Variants in LYAR observed in about 807,000 individuals in gnomAD.
LYAR encodes Ly1 antibody reactive.
A neutral mutation model predicts 45.2 loss-of-function variants in LYAR; 37 were observed. The observed-to-expected ratio is 0.82, with a 90% CI of 0.63 to 1.08. LYAR has a LOEUF of 1.08. LYAR is among the 50% of genes least tolerant of loss of function. The pLI, the probability that LYAR is intolerant of heterozygous loss-of-function variation, is 0.00. For synonymous variants in LYAR, 176 were observed against 155.1 expected (o/e 1.14, Z -1.00); for missense variants, 493 against 451.0 (o/e 1.09, Z -0.84).
intron 6 of LYAR, among the ~76,000 whole-genome samples, chr4:4,279,230 G>A (rs1719302899): frequency 1.3e-5 from 2 of 152,064 alleles, no homozygotes; most frequent in South Asian, 4.1e-4. Flanking sequence ...CTACTTGGGA[G>A]GCTGAGACAC....
Position 4,267,715 on chromosome 4 carries a change from C to T in LYAR, c.*174G>A. ...GCCACAACAAATTTAGAAGTTTGGACCAGAATATATTTTATTTTTCTCATA... is the reference window on the plus strand; with the variant it reads ...GCCACAACAAATTTAGAAGTTTGGATCAGAATATATTTTATTTTTCTCATA... On this transcript the variant is annotated 3_prime_UTR_variant, in exon 10 of 10. Coordinates refer to ENST00000343470, the MANE Select transcript of LYAR (RefSeq NM_017816.3). 1 of 483,606 alleles carries T rather than the reference C, an allele frequency of 2.1e-6. No individual in the cohort carries two copies. The highest frequency in any genetic ancestry group is 3.4e-6 in the Non-Finnish European group (1 of 291,626). The allele number at this position is 483,606 out of a possible 1,614,324, so 30.0% of individuals were successfully genotyped here.
rs777311118 is a variant in LYAR at position 4,281,884 on chromosome 4, T to C, written c.136A>G (p.Lys46Glu). ...TCACTTATGCATTTCACGTGGTTTT[T>C]ATAGTCATCGCCCCTTTAAAGTGAT... ...CGKDFWGDDYKNHVKCISEDQ... is the reference protein window; with the variant it reads ...CGKDFWGDDYENHVKCISEDQ... The change falls in exon 4 of 10, where the codon AAA (lysine) becomes GAA (glutamate). Residue 46 changes from lysine to glutamate, a missense_variant. Coordinates refer to ENST00000343470, the MANE Select transcript of LYAR (RefSeq NM_017816.3). The C allele has an allele frequency of 1.4e-5, 23 of 1,613,592 alleles. No individual in the cohort carries two copies. The South Asian group carries it at 1.8e-4, about 12-fold the overall frequency.
chr4:4,277,921 G>A (rs181711501), intron 6 of LYAR, among the ~76,000 whole-genome samples: 7 of 152,324 alleles, frequency 4.6e-5, no homozygotes, highest in African/African-American at 1.7e-4. Flanking sequence ...TGGGAGGGCC[G>A]TGGTGCAAAG....
At chr4:4,288,754 C>G (rs1027111705) in intron 1 of LYAR, among the ~76,000 whole-genome samples, 12 of 152,116 alleles carry the variant, frequency 7.9e-5, no homozygotes, top group African/African-American at 2.4e-5. Flanking sequence ...CCAAAGTGCT[C>G]GGATGACAGG....
Position 4,274,415 on chromosome 4 carries a change from C to T in LYAR, c.784G>A (p.Glu262Lys). The T allele has an allele frequency of 6.2e-7, 1 of 1,613,982 alleles. No homozygotes were observed. Among genetic ancestry groups the T allele is most frequent in the Non-Finnish European group, 8.5e-7 (1 of 1,179,938 alleles). ...TTCCCTGCGCCCACGCGTGCCTCTT[C>T]CTCACTGGCGCTGTCCTTGCGCTGC... ...KKQRKDSASEEEARVGAGKRK... is the reference protein window; with the variant it reads ...KKQRKDSASEKEARVGAGKRK... The change falls in exon 7 of 10, where the codon GAA (glutamate) becomes AAA (lysine). Residue 262 changes from glutamate to lysine, a missense_variant. Physicochemically the swap from Glu to Lys is moderately conservative, Grantham distance 56. Coordinates refer to ENST00000343470, the MANE Select transcript of LYAR (RefSeq NM_017816.3).
chr4:4,279,358 T>C (rs1319949141), intron 6 of LYAR, 89 bp downstream of exon 6: 1 of 880,212 alleles, frequency 1.1e-6, no homozygotes, highest in African/African-American at 1.7e-5. Context: ...AAAAGAAGGC[T>C]GCCTTGACTT....
At chr4:4,269,293 C>A (rs372752416) in intron 8 of LYAR, among the ~76,000 whole-genome samples, 1 of 152,124 alleles carries the variant, frequency 6.6e-6, no homozygotes, top group African/African-American at 2.4e-5. Context: ...GGCAAAGGAC[C>A]GGGAAACGGC....
intron 8 of LYAR, among the ~76,000 whole-genome samples, chr4:4,272,792 G>T (rs745669095): frequency 6.6e-6 from 1 of 152,198 alleles, no homozygotes; most frequent in Non-Finnish European, 1.5e-5. Context: ...CTAACCCAAT[G>T]CTGGCAGTCA....
At chr4:4,283,874 C>A in intron 2 of LYAR, 79 bp from the exon 3 acceptor site, 1 of 622,604 alleles carries the variant, frequency 1.6e-6, no homozygotes, top group East Asian at 2.9e-5. Flanking sequence ...AACTTTTCAA[C>A]CATAATTTCA....
At chr4:4,279,795 C>T in intron 4 of LYAR, 46 bp from the exon 5 acceptor site, 1 of 1,238,716 alleles carries the variant, frequency 8.1e-7, no homozygotes, top group Non-Finnish European at 1.2e-6. Context: ...AAACAACCAA[C>T]ATGAGTTTCA....
intron 6 of LYAR, among the ~76,000 whole-genome samples, chr4:4,277,532 C>T (rs1171262979): frequency 6.6e-6 from 1 of 152,138 alleles, no homozygotes; most frequent in African/African-American, 2.4e-5. Flanking sequence ...CCAATTCTTC[C>T]CCATCTTCTT....
intron 6 of LYAR, among the ~76,000 whole-genome samples, chr4:4,278,570 C>T (rs28473270): frequency 0.11 from 16,127 of 152,074 alleles, 2,324 homozygotes; most frequent in African/African-American, 0.33. Context: ...CTGCTGTGAC[C>T]CCCTCACCCC....
chr4:4,284,841 T>G (rs1489928604), intron 2 of LYAR, among the ~76,000 whole-genome samples: 1 of 152,112 alleles, frequency 6.6e-6, no homozygotes, highest in Non-Finnish European at 1.5e-5. Flanking sequence ...AAAATAAAGG[T>G]GAGGGTCAAG....
chr4:4,288,345 C>T (rs1350281197), intron 1 of LYAR, among the ~76,000 whole-genome samples: 1 of 152,182 alleles, frequency 6.6e-6, no homozygotes, highest in Non-Finnish European at 1.5e-5. Context: ...TCACTCCAAC[C>T]TTCTCTGGCT....
chr4:4,282,567 G>A (rs1272337537), intron 3 of LYAR, among the ~76,000 whole-genome samples: 1 of 152,136 alleles, frequency 6.6e-6, no homozygotes, highest in African/African-American at 2.4e-5. Context: ...TTAAAAGAGA[G>A]TATTAGCCAG....
rs1252278347 is a variant in LYAR, at chr4:4,281,808, T to G, written c.212A>C (p.Asp71Ala). The change falls in exon 4 of 10, where the codon GAC (aspartate) becomes GCC (alanine). Residue 71 changes from aspartate (D) to alanine (A), a missense_variant. By Grantham distance (126) the Asp-to-Ala change is moderately radical. Transcript: ENST00000343470. ...KGYEGKTHKG[D>A]IKQQAWIQKI... ...CTGAATCCACGCCTGCTGTTTGATG[T>G]CGCCTTTGTGGGTTTTACCTTCATA... 1 of 1,614,030 alleles carries G rather than the reference T, an allele frequency of 6.2e-7. No individual in the cohort carries two copies. Among genetic ancestry groups the G allele is most frequent in the East Asian group, 2.2e-5 (1 of 44,904 alleles).
At chr4:4,269,180 G>A (rs1577208908) in intron 8 of LYAR, among the ~76,000 whole-genome samples, 1 of 152,262 alleles carries the variant, frequency 6.6e-6, no homozygotes, top group African/African-American at 2.4e-5. Flanking sequence ...GCAACACGGG[G>A]TGAGCTTCTT....
At chr4:4,278,794 C>T (rs1182235835) in intron 6 of LYAR, among the ~76,000 whole-genome samples, 7 of 152,256 alleles carry the variant, frequency 4.6e-5, no homozygotes, top group East Asian at 1.9e-4. Context: ...TAAGATCAAA[C>T]GTCAGGCAAA....
rs73194080 is a variant in LYAR, at chr4:4,275,261, C to T, written c.430-492G>A. Among the ~76,000 whole-genome samples the T allele has an allele frequency of 1.7e-3, 260 of 152,220 alleles. 1 individual carries two copies. Among genetic ancestry groups the T allele is most frequent in the Non-Finnish European group, 3.2e-3 (215 of 68,002 alleles). ...TAGTAATACCTACCTCACACACGGACGGATGAAACGAGGAAAGATCCGTCA... is the reference window on the plus strand; with the variant it reads ...TAGTAATACCTACCTCACACACGGATGGATGAAACGAGGAAAGATCCGTCA... On this transcript the variant is annotated intron_variant, in intron 6 of 9. Coordinates refer to ENST00000343470, the MANE Select transcript of LYAR (RefSeq NM_017816.3).
Sources: gnomAD v4.1 joint callset for allele counts (sites outside exome capture counted in the v4.1 genomes callset) on GRCh38, gnomAD v4.1.1 for gene constraint, MANE v1.5 for transcripts, NCBI Gene and HGNC (gene_info 2026-07-23, HGNC 2026-07-21) for gene names.